SFXN2: variants seen among roughly 807,000 people sequenced by gnomAD.
The protein encoded by SFXN2 is sideroflexin 2, also known as sideroflexin-2.
SFXN2 carries 37 observed loss-of-function variants against 41.9 expected under a neutral mutation model. The ratio of observed to expected loss-of-function variants is 0.88; its 90% CI spans 0.68 to 1.16. SFXN2 has a LOEUF of 1.16. SFXN2 is among the 50% of genes most tolerant of loss of function. The pLI, the probability that SFXN2 is intolerant of heterozygous loss-of-function variation, is 0.00. For synonymous variants in SFXN2, 150 were observed against 156.7 expected, an observed-to-expected ratio of 0.96 and a Z score of 0.32; for missense variants, 386 against 425.2, an observed-to-expected ratio of 0.91 and a Z score of 0.81.
intron 1 of SFXN2, among the ~76,000 whole-genome samples, chr10:102,722,200 T>C (rs970773906): frequency 1.3e-5 from 2 of 152,260 alleles, no homozygotes; most frequent in Non-Finnish European, 2.9e-5. Flanking sequence ...GCTTTTTTTG[T>C]ATGACTCCAT....
At chr10:102,725,995 G>A in intron 1 of SFXN2, among the ~76,000 whole-genome samples, 1 of 152,252 alleles carries the variant, frequency 6.6e-6, no homozygotes, top group South Asian at 2.1e-4. Context: ...CCAGGCTCAG[G>A]CTGGAGTGCA....
intron 4 of SFXN2, 79 bp downstream of exon 4, chr10:102,728,608 T>C: frequency 8.0e-7 from 1 of 1,257,054 alleles, no homozygotes; most frequent in Admixed American, 1.7e-5. Context: ...TGTCAGTCCT[T>C]CCTGGGTAGC....
intron 10 of SFXN2, among the ~76,000 whole-genome samples, chr10:102,733,940 T>G (rs890114528): frequency 1.7e-4 from 26 of 151,610 alleles, no homozygotes; most frequent in Non-Finnish European, 3.2e-4. Context: ...CAGTCTGGAG[T>G]GCAATGGCGC....
chr10:102,731,093 A>G (rs1181613823), intron 6 of SFXN2, among the ~76,000 whole-genome samples: 1 of 151,574 alleles, frequency 6.6e-6, no homozygotes, highest in Admixed American at 6.6e-5. Flanking sequence ...ATCACAAAAA[A>G]AAAACCAAAA....
chr10:102,732,654 T>C (rs1309911400), intron 8 of SFXN2, among the ~76,000 whole-genome samples: 2 of 152,162 alleles, frequency 1.3e-5, no homozygotes, highest in Non-Finnish European at 2.9e-5. Flanking sequence ...GTTGAGAAGC[T>C]TGGGAAGCAC....
intron 7 of SFXN2, 63 bp from the exon 8 acceptor site, chr10:102,732,089 C>T: frequency 6.8e-7 from 1 of 1,481,312 alleles, no homozygotes; most frequent in Admixed American, 1.8e-5. Flanking sequence ...GACCCAGCCC[C>T]CTGGTGCAGC....
At chr10:102,735,039 C>G (rs932180986) in intron 10 of SFXN2, among the ~76,000 whole-genome samples, 2 of 152,016 alleles carry the variant, frequency 1.3e-5, no homozygotes, top group Non-Finnish European at 2.9e-5. Flanking sequence ...GTCTCAGAAT[C>G]CACAGACTCA....
In SFXN2 at chr10:102,737,872, G is replaced by A; in HGVS notation, c.*110G>A. 2 of 685,302 alleles carry A rather than the reference G, an allele frequency of 2.9e-6. No homozygotes were observed. Among genetic ancestry groups the A allele is most frequent in the East Asian group, 5.5e-5 (2 of 36,328 alleles). The allele number at this position is 685,302 out of a possible 1,614,324, so 42.5% of individuals were successfully genotyped here. On this transcript the variant is annotated 3_prime_UTR_variant, in exon 12 of 12. Coordinates refer to ENST00000369893, the MANE Select transcript of SFXN2 (RefSeq NM_178858.6). The stretch of plus-strand genomic sequence containing the variant: ...TTTGCCAACAAGGCCTGAAGGCCAG[G>A]GTAGATTGGGGGGTGGGACAATGAA...
At chr10:102,736,082 A>G (rs2064773459) in intron 11 of SFXN2, among the ~76,000 whole-genome samples, 173 bp downstream of exon 11, 1 of 152,142 alleles carries the variant, frequency 6.6e-6, no homozygotes, top group African/African-American at 2.4e-5. Flanking sequence ...AATTCTGACA[A>G]ACGAAAACAG....
At chr10:102,729,514 G>C in intron 5 of SFXN2, 120 bp downstream of exon 5, 1 of 1,269,434 alleles carries the variant, frequency 7.9e-7, no homozygotes, top group Non-Finnish European at 1.1e-6. Flanking sequence ...CCAGAGCCCG[G>C]CTGGCCAAGT....
chr10:102,716,381 A>G (rs1266696058), intron 1 of SFXN2: 1 of 151,932 alleles, frequency 6.6e-6, no homozygotes, highest in Non-Finnish European at 1.5e-5. Context: ...GGCTACAAAC[A>G]GTAATCTTGT....
chr10:102,742,704 A>G lies in SFXN2; in HGVS notation c.*4942A>G, dbSNP rs1302102614. 1 of 152,060 alleles carries G rather than the reference A, an allele frequency of 6.6e-6. No individual in the cohort carries two copies. The highest frequency in any genetic ancestry group is 2.4e-5 in the African/African-American group (1 of 41,390). The allele number at this position is 152,060 out of a possible 1,614,324, so 9.4% of individuals were successfully genotyped here. On this transcript the variant is annotated 3_prime_UTR_variant, in exon 12 of 12. Transcript: ENST00000369893. ...AGGCTGGTTTCAAACTCCTGAGCTC[A>G]AGGGATCTACCTGCCTCAGCCTCCC...
chr10:102,727,271 G>A (rs1489174431), intron 3 of SFXN2, 114 bp downstream of exon 3: 1 of 1,145,426 alleles, frequency 8.7e-7, no homozygotes, highest in East Asian at 2.5e-5. Context: ...CAGATACCAG[G>A]CACTATGCTA....
At chr10:102,715,292 C>T (rs527764306) in intron 1 of SFXN2, 2 of 153,684 alleles carry the variant, frequency 1.3e-5, no homozygotes, top group East Asian at 3.8e-4. Flanking sequence ...CCCGCCTAGG[C>T]CTCCCAAAGT....
chr10:102,733,826 T>C (rs2064737122), intron 10 of SFXN2, among the ~76,000 whole-genome samples: 2 of 152,170 alleles, frequency 1.3e-5, no homozygotes. Flanking sequence ...AGTCCAGTGC[T>C]GAGGTGCCCT....
intron 1 of SFXN2, 144 bp from the exon 2 acceptor site, chr10:102,726,468 C>A: frequency 1.3e-6 from 1 of 754,864 alleles, no homozygotes; most frequent in Non-Finnish European, 2.1e-6. Context: ...AATCTGATGA[C>A]CATTCACTTG....
In SFXN2 at chr10:102,731,705, A is replaced by G. The variant is rs2064706717; in HGVS notation, c.594-18A>G. 3.7e-6 allele frequency: 6 copies of G among 1,610,750 alleles called. No individual in the cohort carries two copies. Among genetic ancestry groups the G allele is most frequent in the African/African-American group, 1.3e-5 (1 of 74,900 alleles). On this transcript the variant is annotated intron_variant, in intron 6 of 11. Transcript: ENST00000369893. ...CATCACCCCTTTCCCAAGTCCATTAACTCCTGTCTGTGTTTAGGGAGCTCA... is the reference window on the plus strand; with the variant it reads ...CATCACCCCTTTCCCAAGTCCATTAGCTCCTGTCTGTGTTTAGGGAGCTCA...
chr10:102,732,489 AGT>A (rs1396057374), intron 8 of SFXN2, among the ~76,000 whole-genome samples: 2 of 152,242 alleles, frequency 1.3e-5, no homozygotes, highest in Non-Finnish European at 2.9e-5. Context: ...TGCTAGGGAG[AGT>A]GATAGAGAAA....
rs551585128 is a variant in SFXN2, at chr10:102,726,111, G to A, written c.-25-501G>A. On this transcript the variant is annotated intron_variant, in intron 1 of 11. Transcript: ENST00000369893. ...ATTACAGGTGCCTGGCACTGCGCCC[G>A]GCTCATTTTTGTATTTTTAGTAGAG... Among the ~76,000 whole-genome samples the A allele has an allele frequency of 1.6e-4, 25 of 151,992 alleles. No homozygotes were observed. The South Asian group carries it at 2.5e-3, about 15-fold the overall frequency.
Sources: gnomAD v4.1 joint callset for allele counts (sites outside exome capture counted in the v4.1 genomes callset) on GRCh38, gnomAD v4.1.1 for gene constraint, MANE v1.5 for transcripts, NCBI Gene and HGNC (gene_info 2026-07-23, HGNC 2026-07-21) for gene names.